The following TDRD5 variants were observed in gnomAD, a reference collection of about 807,000 sequenced individuals.
The protein encoded by TDRD5 is tudor domain containing 5.
Under a neutral mutation model 120.6 loss-of-function variants are expected in TDRD5, and 41 were observed. The ratio of observed to expected loss-of-function variants is 0.34; its 90% CI spans 0.26 to 0.44. TDRD5 has a LOEUF of 0.44. TDRD5 is among the 20% of genes least tolerant of loss of function. TDRD5 has a pLI of 1.00. For synonymous variants in TDRD5, 430 were observed against 433.7 expected (o/e 0.99, Z 0.11); for missense variants, 1,006 against 1,221.2 (o/e 0.82, Z 2.63).
chr1:179,675,469 C>T (rs1323065809), intron 17 of TDRD5, among the ~76,000 whole-genome samples: 4 of 149,720 alleles, frequency 2.7e-5, no homozygotes, highest in Admixed American at 2.0e-4. Context: ...TTAGTAGAGA[C>T]GGGGTTTCAC....
intron 4 of TDRD5, among the ~76,000 whole-genome samples, chr1:179,603,738 G>T (rs1036636042): frequency 6.6e-6 from 1 of 152,142 alleles, no homozygotes; most frequent in Admixed American, 6.5e-5. Flanking sequence ...ACTTGATCAT[G>T]GTGGATTATC....
chr1:179,635,969 A>C, intron 9 of TDRD5, 82 bp downstream of exon 9: 3 of 1,315,046 alleles, frequency 2.3e-6, no homozygotes, highest in Non-Finnish European at 3.0e-6. Context: ...CAGGACTCTT[A>C]AAAATTAAAG....
At chr1:179,649,892 T>C (rs920347890) in intron 11 of TDRD5, among the ~76,000 whole-genome samples, 2 of 152,230 alleles carry the variant, frequency 1.3e-5, no homozygotes, top group Non-Finnish European at 2.9e-5. Flanking sequence ...CTGGAAATAT[T>C]ACCAGTCTGG....
chr1:179,654,525 G>A (rs1281983115), intron 14 of TDRD5, among the ~76,000 whole-genome samples, 163 bp downstream of exon 14: 1 of 152,190 alleles, frequency 6.6e-6, no homozygotes, highest in African/African-American at 2.4e-5. Flanking sequence ...AGCACTTTGG[G>A]AGGCTGAGGT....
At chr1:179,631,167 G>A (rs562348272) in intron 7 of TDRD5, among the ~76,000 whole-genome samples, 9 of 152,096 alleles carry the variant, frequency 5.9e-5, no homozygotes, top group Non-Finnish European at 1.2e-4. Flanking sequence ...CGAGGTGGGC[G>A]GATCACGAGG....
intron 6 of TDRD5, among the ~76,000 whole-genome samples, chr1:179,628,058 T>C (rs563401772): frequency 1.7e-4 from 26 of 152,260 alleles, no homozygotes; most frequent in Admixed American, 1.4e-3. Context: ...GCATAACTTA[T>C]AGTATTGTCA....
At chr1:179,634,731 T>G in intron 8 of TDRD5, 102 bp downstream of exon 8, 1 of 1,285,054 alleles carries the variant, frequency 7.8e-7, no homozygotes, top group South Asian at 1.8e-5. Flanking sequence ...AAGTCTTATT[T>G]CTGGATATAT....
In TDRD5 at chr1:179,690,839, A is replaced by C. The variant is rs768057959; in HGVS notation, c.3004A>C (p.Ile1002Leu). The change falls in exon 18 of 18, where the codon ATT becomes CTT. Residue 1002 changes from isoleucine (I) to leucine (L), a missense_variant. This residue lies in a region of TDRD5 where 403 missense variants were observed against 448.1 expected (regional missense o/e 0.90). Coordinates refer to ENST00000444136, the MANE Select transcript of TDRD5 (RefSeq NM_001199085.3). ...GTGCCAGATTTCTCAGAAGCTCTAC[A>C]TTCCTCGAAGTACAGCCACTGCTGC... ...YECQISQKLY[I>L]PRSTATAALG... 5.6e-6 allele frequency: 9 copies of C among 1,614,176 alleles called. No individual in the cohort carries two copies. Among genetic ancestry groups the C allele is most frequent in the African/African-American group, 1.3e-5 (1 of 75,050 alleles).
At chr1:179,607,607 T>C (rs1255294372) in intron 4 of TDRD5, among the ~76,000 whole-genome samples, 1 of 151,998 alleles carries the variant, frequency 6.6e-6, no homozygotes, top group Non-Finnish European at 1.5e-5. Context: ...TTTTAACTTA[T>C]CACAATTGAC....
At chr1:179,666,473 A>C (rs1006904901) in intron 16 of TDRD5, among the ~76,000 whole-genome samples, 2 of 152,210 alleles carry the variant, frequency 1.3e-5, no homozygotes, top group African/African-American at 4.8e-5. Flanking sequence ...ACAGTACCTG[A>C]TTGCTCAGCA....
At chr1:179,592,937 T>C (rs527509503) in intron 2 of TDRD5, 90 bp downstream of exon 2, 1 of 1,289,746 alleles carries the variant, frequency 7.8e-7, no homozygotes. Context: ...TTATTATGCA[T>C]CCCAGCCAGT....
At chr1:179,680,544 A>G (rs1041897789) in intron 17 of TDRD5, among the ~76,000 whole-genome samples, 2 of 152,198 alleles carry the variant, frequency 1.3e-5, no homozygotes, top group Non-Finnish European at 2.9e-5. Flanking sequence ...CCTTCATAAT[A>G]TTCTTTGCTT....
intron 12 of TDRD5, 23 bp from the exon 13 acceptor site, chr1:179,652,016 C>G (rs748961263): frequency 6.2e-7 from 1 of 1,606,898 alleles, no homozygotes; most frequent in Non-Finnish European, 8.5e-7. Context: ...ATTAAACCAT[C>G]CCTTTTCTTT....
At chr1:179,663,618 T>C in intron 16 of TDRD5, 127 bp downstream of exon 16, 1 of 1,294,464 alleles carries the variant, frequency 7.7e-7, no homozygotes, top group East Asian at 2.6e-5. Context: ...CTGTAGCTGT[T>C]ACTGTTGATG....
chr1:179,649,942 A>C (rs948321152), intron 11 of TDRD5, among the ~76,000 whole-genome samples: 1 of 152,178 alleles, frequency 6.6e-6, no homozygotes, highest in African/African-American at 2.4e-5. Context: ...GGATGTGTAG[A>C]CCACCCTGGT....
chr1:179,623,355 T>C (rs1676937997), intron 6 of TDRD5, among the ~76,000 whole-genome samples: 1 of 152,172 alleles, frequency 6.6e-6, no homozygotes, highest in Admixed American at 6.6e-5. Flanking sequence ...AATATATGAC[T>C]GTTTAAAGCA....
chr1:179,685,887 G>T (rs150060319), intron 17 of TDRD5, among the ~76,000 whole-genome samples: 1 of 152,146 alleles, frequency 6.6e-6, no homozygotes, highest in Non-Finnish European at 1.5e-5. Context: ...TTTGCACATT[G>T]ATTTTGTATC....
At chr1:179,629,430 G>A (rs1048635907) in intron 6 of TDRD5, among the ~76,000 whole-genome samples, 1 of 149,898 alleles carries the variant, frequency 6.7e-6, no homozygotes, top group Non-Finnish European at 1.5e-5. Flanking sequence ...GATTAAGAAG[G>A]GAAAAATACA....
At chr1:179,620,179 T>A (rs1321440482) in intron 5 of TDRD5, among the ~76,000 whole-genome samples, 1 of 152,204 alleles carries the variant, frequency 6.6e-6, no homozygotes, top group East Asian at 1.9e-4. Context: ...AAAGGGTGTT[T>A]CTCTAAATGT....
Sources: gnomAD v4.1 joint callset for allele counts (sites outside exome capture counted in the v4.1 genomes callset) on GRCh38, gnomAD v4.1.1 for gene constraint, gnomAD v4.1.1 regional missense constraint, MANE v1.5 for transcripts, NCBI Gene and HGNC (gene_info 2026-07-23, HGNC 2026-07-21) for gene names.